Variants in FBXO15 observed in about 807,000 individuals in gnomAD.
FBXO15 encodes F-box protein 15, also known as F-box only protein 15.
A neutral mutation model predicts 49.5 loss-of-function variants in FBXO15; 30 were observed. The ratio of observed to expected loss-of-function variants is 0.61; its 90% CI spans 0.45 to 0.82. FBXO15 has a LOEUF of 0.82. Ranked by LOEUF, FBXO15 falls within the 40% of genes least tolerant of loss-of-function variation. The pLI is 0.00. For missense variants in FBXO15, 591 were observed against 631.5 expected, an observed-to-expected ratio of 0.94 and a Z score of 0.69; for synonymous variants, 250 against 232.7, an observed-to-expected ratio of 1.07 and a Z score of -0.68.
At chr18:74,090,836 T>C (rs1399707761) in intron 8 of FBXO15, among the ~76,000 whole-genome samples, 1 of 152,314 alleles carries the variant, frequency 6.6e-6, no homozygotes, top group East Asian at 1.9e-4. Flanking sequence ...GTGTGGTCGA[T>C]TTTGGAGTAT....
chr18:74,096,505 CT>C (rs1196713532), intron 8 of FBXO15, among the ~76,000 whole-genome samples: 1 of 151,120 alleles, frequency 6.6e-6, no homozygotes, highest in East Asian at 1.9e-4. Flanking sequence ...TAAATAATAT[CT>C]AAGCAAATAC....
chr18:74,114,399 T>C (rs1432266729), intron 8 of FBXO15, among the ~76,000 whole-genome samples: 2 of 152,190 alleles, frequency 1.3e-5, no homozygotes, highest in African/African-American at 4.8e-5. Flanking sequence ...TTGTTCTGTA[T>C]CCTTTCACTG....
At chr18:74,121,070 TA>T (rs1914445198) in intron 8 of FBXO15, among the ~76,000 whole-genome samples, 1 of 152,090 alleles carries the variant, frequency 6.6e-6, no homozygotes, top group Non-Finnish European at 1.5e-5. Context: ...GCAACTTAGA[TA>T]AAATGGACAA....
In FBXO15 at chr18:74,094,933, C is replaced by T. The variant is rs1054946635; in HGVS notation, c.1139-12882G>A. 6.6e-5 allele frequency among the ~76,000 whole-genome samples: 10 copies of T among 152,314 alleles called. No homozygotes were observed. The South Asian group carries it at 1.0e-3, about 16-fold the overall frequency. ...CATCAATGATCTTAACTAGATCTTCCGGAGAACTTGCTGCAACTTCCCCTC... is the reference window on the plus strand; with the variant it reads ...CATCAATGATCTTAACTAGATCTTCTGGAGAACTTGCTGCAACTTCCCCTC... On this transcript the variant is annotated intron_variant, in intron 8 of 9. Coordinates refer to ENST00000419743, the MANE Select transcript of FBXO15 (RefSeq NM_001142958.2).
intron 1 of FBXO15, among the ~76,000 whole-genome samples, chr18:74,146,822 T>G (rs1042345243): frequency 1.3e-5 from 2 of 152,174 alleles, no homozygotes; most frequent in Non-Finnish European, 2.9e-5. Context: ...TAGACTCCCT[T>G]TGTGTGCTTA....
intron 8 of FBXO15, among the ~76,000 whole-genome samples, chr18:74,083,562 G>T (rs1912596982): frequency 6.6e-6 from 1 of 152,196 alleles, no homozygotes; most frequent in African/African-American, 2.4e-5. Flanking sequence ...TTGTCCCCAG[G>T]ACACGGCAGA....
At chr18:74,107,874 C>G (rs1470454249) in intron 8 of FBXO15, among the ~76,000 whole-genome samples, 3 of 152,110 alleles carry the variant, frequency 2.0e-5, no homozygotes, top group Non-Finnish European at 4.4e-5. Context: ...GAATAACCTA[C>G]TAGGGGAATT....
At chr18:74,100,305 TC>T (rs1485352994) in intron 8 of FBXO15, among the ~76,000 whole-genome samples, 2 of 152,160 alleles carry the variant, frequency 1.3e-5, no homozygotes, top group African/African-American at 4.8e-5. Context: ...AATAACCTGC[TC>T]CTGAGTGAGC....
intron 5 of FBXO15, among the ~76,000 whole-genome samples, chr18:74,126,955 G>A (rs1026206333): frequency 6.6e-6 from 1 of 152,226 alleles, no homozygotes; most frequent in African/African-American, 2.4e-5. Context: ...GTGTGATGTA[G>A]AAATTAGAAA....
intron 8 of FBXO15, among the ~76,000 whole-genome samples, chr18:74,084,976 G>C (rs928315338): frequency 5.3e-5 from 8 of 151,898 alleles, no homozygotes; most frequent in Admixed American, 5.3e-4. Flanking sequence ...TCTATCTAAA[G>C]ACTGTCAAGT....
chr18:74,073,369 C>A lies in FBXO15; in HGVS notation c.*92G>T. ...GAGATGAAAGGCATTGCACAGCACT[C>A]TGCAGATTTGCTTTATTTTAATTTT... On this transcript the variant is annotated 3_prime_UTR_variant, in exon 10 of 10. Coordinates refer to ENST00000419743, the MANE Select transcript of FBXO15 (RefSeq NM_001142958.2). The A allele has an allele frequency of 7.5e-7, 1 of 1,330,572 alleles. No homozygotes were observed. Among genetic ancestry groups the A allele is most frequent in the Non-Finnish European group, 1.0e-6 (1 of 957,688 alleles). The allele number at this position is 1,330,572 out of a possible 1,614,324, so 82.4% of individuals were successfully genotyped here. A position where few individuals can be genotyped will look rare whatever the true frequency, so the allele number is the denominator to read the frequency against.
At chr18:74,109,274 A>G (rs1212243213) in intron 8 of FBXO15, among the ~76,000 whole-genome samples, 3 of 152,216 alleles carry the variant, frequency 2.0e-5, no homozygotes, top group Non-Finnish European at 4.4e-5. Context: ...CAAAACCATA[A>G]TAAGACACCA....
At chr18:74,144,353 T>C (rs1248862456) in intron 1 of FBXO15, among the ~76,000 whole-genome samples, 4 of 151,992 alleles carry the variant, frequency 2.6e-5, no homozygotes, top group Admixed American at 2.6e-4. Context: ...CATAACTCCA[T>C]GTATGTTCTA....
chr18:74,124,941 A>C (rs1358467623), intron 6 of FBXO15, among the ~76,000 whole-genome samples: 1 of 152,178 alleles, frequency 6.6e-6, no homozygotes, highest in African/African-American at 2.4e-5. Context: ...AATTCTACAA[A>C]TACTGAACTT....
intron 1 of FBXO15, chr18:74,147,391 A>G: frequency 1.4e-6 from 1 of 692,582 alleles, no homozygotes; most frequent in Non-Finnish European, 1.9e-6. Flanking sequence ...GACCTCTTGG[A>G]CCTGCACCTG....
chr18:74,085,625 A>AAATGGAAT (rs1259266446), intron 8 of FBXO15, among the ~76,000 whole-genome samples: 1 of 152,100 alleles, frequency 6.6e-6, no homozygotes, highest in Non-Finnish European at 1.5e-5. Context: ...CAGATCAATA[A>AAATGGAAT]AATGGAATAG....
rs539118632 is a variant in FBXO15, at chr18:74,147,300, A to G, written c.116+370T>C. On this transcript the variant is annotated intron_variant, in intron 1 of 9. Coordinates refer to ENST00000419743, the MANE Select transcript of FBXO15 (RefSeq NM_001142958.2). Reference sequence around the variant, plus strand: ...GTAAGGTCATGAAAAACACGAAGGGAGATTCTTGGTTACAGAAGAGCGAAA... The same window carrying G: ...GTAAGGTCATGAAAAACACGAAGGGGGATTCTTGGTTACAGAAGAGCGAAA... Among the ~76,000 whole-genome samples, 41 of 152,140 alleles carry G rather than the reference A, an allele frequency of 2.7e-4. 1 individual carries two copies. The highest frequency in any genetic ancestry group is 4.4e-5 in the Non-Finnish European group (3 of 67,990).
At chr18:74,129,637 A>G in intron 4 of FBXO15, 23 bp from the exon 5 acceptor site, 1 of 1,579,208 alleles carries the variant, frequency 6.3e-7, no homozygotes, top group African/African-American at 1.4e-5. Flanking sequence ...AAAAAAACTA[A>G]CAATGTTTGC....
At chr18:74,083,899 C>T (rs952818394) in intron 8 of FBXO15, among the ~76,000 whole-genome samples, 4 of 152,138 alleles carry the variant, frequency 2.6e-5, no homozygotes, top group African/African-American at 7.2e-5. Context: ...AGACACTTAA[C>T]AGCTTAGAAG....
Sources: gnomAD v4.1 joint callset for allele counts (sites outside exome capture counted in the v4.1 genomes callset) on GRCh38, gnomAD v4.1.1 for gene constraint, MANE v1.5 for transcripts, NCBI Gene and HGNC (gene_info 2026-07-23, HGNC 2026-07-21) for gene names.